SLC35F3: variants seen among roughly 807,000 people sequenced by gnomAD.
SLC35F3 encodes solute carrier family 35 member F3, also known as putative thiamine transporter SLC35F3.
A neutral mutation model predicts 49.9 loss-of-function variants in SLC35F3; 25 were observed. The ratio of observed to expected loss-of-function variants is 0.50; its 90% CI spans 0.37 to 0.70. The LOEUF is 0.70. Among genes scored for constraint, SLC35F3 ranks in the 30% least tolerant of loss-of-function variants. The probability of loss-of-function intolerance (pLI) is 0.00; values close to 1 mark genes in which losing one functional copy is unlikely to be tolerated. For synonymous variants in SLC35F3, 275 were observed against 265.4 expected, an observed-to-expected ratio of 1.04 and a Z score of -0.35; for missense variants, 525 against 639.8, an observed-to-expected ratio of 0.82 and a Z score of 1.94.
chr1:233,995,848 A>T (rs1288292942), intron 2 of SLC35F3, among the ~76,000 whole-genome samples: 1 of 152,176 alleles, frequency 6.6e-6, no homozygotes, highest in Admixed American at 6.5e-5. Context: ...CTACTGCTAA[A>T]TCAAACATCT....
intron 7 of SLC35F3, among the ~76,000 whole-genome samples, chr1:234,322,647 ATGCG>A (rs1050256191): frequency 1.2e-4 from 10 of 85,906 alleles, no homozygotes; most frequent in Non-Finnish European, 1.5e-4. Flanking sequence ...CAAGGGTCAA[ATGCG>A]TGTGTGTGTG....
chr1:234,095,501 G>A (rs529824242), intron 2 of SLC35F3, among the ~76,000 whole-genome samples: 1 of 152,366 alleles, frequency 6.6e-6, no homozygotes, highest in East Asian at 1.9e-4. Context: ...TGTGACTGGA[G>A]CCATGTTATT....
At chr1:234,069,957 T>C (rs1045206043) in intron 2 of SLC35F3, among the ~76,000 whole-genome samples, 4 of 152,192 alleles carry the variant, frequency 2.6e-5, no homozygotes, top group Non-Finnish European at 4.4e-5. Context: ...GCCTTGGTTA[T>C]ACAGGAATGG....
chr1:233,991,220 A>G (rs1228192230), intron 2 of SLC35F3, among the ~76,000 whole-genome samples: 1 of 152,194 alleles, frequency 6.6e-6, no homozygotes, highest in Non-Finnish European at 1.5e-5. Context: ...GAGTGAAGAC[A>G]GAAAGGGAAA....
chr1:234,094,318 C>T (rs113561366), intron 2 of SLC35F3, among the ~76,000 whole-genome samples: 66 of 152,326 alleles, frequency 4.3e-4, no homozygotes, highest in African/African-American at 1.4e-3. Context: ...AGAATCCAAC[C>T]GGAACTAGTA....
chr1:234,078,553 C>G (rs976092775), intron 2 of SLC35F3, among the ~76,000 whole-genome samples: 4 of 152,230 alleles, frequency 2.6e-5, no homozygotes, highest in African/African-American at 9.6e-5. Flanking sequence ...TGGTTTCTCT[C>G]CTTCCACAAG....
intron 3 of SLC35F3, among the ~76,000 whole-genome samples, chr1:234,305,738 GA>G (rs1455742335): frequency 1.3e-5 from 2 of 152,054 alleles, no homozygotes; most frequent in South Asian, 4.2e-4. Flanking sequence ...AGATTTCATG[GA>G]AAAAAAGTTT....
At chr1:233,990,112 G>A (rs1663328240) in intron 2 of SLC35F3, among the ~76,000 whole-genome samples, 1 of 152,030 alleles carries the variant, frequency 6.6e-6, no homozygotes, top group Non-Finnish European at 1.5e-5. Flanking sequence ...GATTGTACTA[G>A]TAATAAAGAA....
At chr1:234,108,797 A>G (rs1040548374) in intron 2 of SLC35F3, among the ~76,000 whole-genome samples, 4 of 130,694 alleles carry the variant, frequency 3.1e-5, no homozygotes, top group African/African-American at 1.2e-4. Context: ...AGATATATAT[A>G]TTTATATATA....
chr1:234,099,653 A>G (rs1198651791), intron 2 of SLC35F3, among the ~76,000 whole-genome samples: 6 of 151,774 alleles, frequency 4.0e-5, no homozygotes, highest in Middle Eastern at 3.4e-3. Context: ...ACCAACATGT[A>G]CTGCATCTTA....
At chr1:234,171,474 G>C (rs1254578042) in intron 2 of SLC35F3, among the ~76,000 whole-genome samples, 1 of 152,204 alleles carries the variant, frequency 6.6e-6, no homozygotes, top group African/African-American at 2.4e-5. Flanking sequence ...TGTCTGTGCA[G>C]TGCCAATGTC....
chr1:234,162,262 G>A (rs996738180), intron 2 of SLC35F3, among the ~76,000 whole-genome samples: 3 of 151,342 alleles, frequency 2.0e-5, no homozygotes, highest in Admixed American at 2.0e-4. Flanking sequence ...ACGATGCTGT[G>A]TCCTCCCTCT....
intron 2 of SLC35F3, among the ~76,000 whole-genome samples, chr1:234,024,795 A>T (rs372455910): frequency 1.3e-5 from 2 of 152,248 alleles, no homozygotes; most frequent in East Asian, 3.9e-4. Flanking sequence ...ATACTGCCAC[A>T]TTGGGGATTT....
chr1:234,317,201 G>A (rs1168503847), intron 5 of SLC35F3, among the ~76,000 whole-genome samples: 1 of 152,166 alleles, frequency 6.6e-6, no homozygotes, highest in African/African-American at 2.4e-5. Flanking sequence ...TGCCTTGAAG[G>A]CTAAATAAAT....
Position 234,139,877 on chromosome 1 carries a change from G to A in SLC35F3, c.284-91540G>A, listed in dbSNP as rs1313596923. Reference sequence around the variant, plus strand: ...GCAGGAGAATCGCTTGAACCCGGGAGGCAGAGGTTGCAGTGAGCCGAGATG... The same window carrying A: ...GCAGGAGAATCGCTTGAACCCGGGAAGCAGAGGTTGCAGTGAGCCGAGATG... On this transcript the variant is annotated intron_variant, in intron 2 of 7. Transcript: ENST00000366618. Among the ~76,000 whole-genome samples, 13 of 151,336 alleles carry A rather than the reference G, an allele frequency of 8.6e-5. No individual in the cohort carries two copies. In the South Asian group the frequency reaches 2.7e-3, roughly 32 times the overall value.
chr1:234,138,765 G>T (rs2102901832), intron 2 of SLC35F3, among the ~76,000 whole-genome samples: 1 of 152,228 alleles, frequency 6.6e-6, no homozygotes, highest in East Asian at 1.9e-4. Context: ...TGCACAGGCT[G>T]GTCTTGAACT....
intron 2 of SLC35F3, among the ~76,000 whole-genome samples, chr1:234,007,872 A>G (rs1236183706): frequency 1.3e-5 from 2 of 152,216 alleles, no homozygotes; most frequent in Non-Finnish European, 2.9e-5. Context: ...TTGGATCTGC[A>G]TTGTGCCATA....
intron 2 of SLC35F3, among the ~76,000 whole-genome samples, chr1:233,933,293 G>A (rs1662274591): frequency 6.6e-6 from 1 of 151,874 alleles, no homozygotes; most frequent in South Asian, 2.1e-4. Context: ...ATTCCAAATA[G>A]TCCAACCAAA....
At chr1:233,978,540 C>A (rs1663128911) in intron 2 of SLC35F3, among the ~76,000 whole-genome samples, 1 of 152,182 alleles carries the variant, frequency 6.6e-6, no homozygotes, top group Admixed American at 6.5e-5. Context: ...CTGAAGTCTT[C>A]CTAGACAAAA....
Sources: allele counts gnomAD v4.1 joint callset (sites outside exome capture counted in the v4.1 genomes callset), GRCh38; gene constraint gnomAD v4.1.1; transcripts MANE v1.5; gene names NCBI Gene and HGNC (gene_info 2026-07-23, HGNC 2026-07-21).